AGBL4: variants seen among roughly 807,000 people sequenced by gnomAD.
AGBL4 encodes AGBL carboxypeptidase 4, also known as cytosolic carboxypeptidase 6.
AGBL4 carries 58 observed loss-of-function variants against 66.4 expected under a neutral mutation model. The observed-to-expected ratio is 0.87, with a 90% confidence interval of 0.71 to 1.09. AGBL4 has a LOEUF of 1.09. AGBL4 is among the 50% of genes least tolerant of loss of function. The pLI, the probability that AGBL4 is intolerant of heterozygous loss-of-function variation, is 0.00. For synonymous variants in AGBL4, 234 were observed against 222.9 expected (o/e 1.05, Z -0.44); for missense variants, 579 against 631.0 (o/e 0.92, Z 0.88).
At chr1:49,650,245 G>C (rs1421681283) in intron 3 of AGBL4, among the ~76,000 whole-genome samples, 1 of 152,196 alleles carries the variant, frequency 6.6e-6, no homozygotes, top group Non-Finnish European at 1.5e-5. Context: ...AGGTCTGTGA[G>C]AGCCCATAGG....
intron 2 of AGBL4, among the ~76,000 whole-genome samples, chr1:49,729,396 A>C (rs1571419925): frequency 6.6e-6 from 1 of 152,340 alleles, no homozygotes; most frequent in South Asian, 2.1e-4. Flanking sequence ...GATAATTAAG[A>C]AACCGAATTT....
intron 1 of AGBL4, among the ~76,000 whole-genome samples, chr1:49,962,236 A>T (rs1220921683): frequency 6.6e-6 from 1 of 152,132 alleles, no homozygotes; most frequent in Non-Finnish European, 1.5e-5. Flanking sequence ...ATGATCGCCA[A>T]TCCCTTCGTT....
intron 1 of AGBL4, among the ~76,000 whole-genome samples, chr1:49,966,857 T>G (rs1052192829): frequency 6.6e-6 from 1 of 152,122 alleles, no homozygotes; most frequent in Non-Finnish European, 1.5e-5. Flanking sequence ...ATAAACAACT[T>G]TACGATTCTT....
At chr1:49,953,844 CTATT>C (rs1656364244) in intron 1 of AGBL4, among the ~76,000 whole-genome samples, 1 of 151,912 alleles carries the variant, frequency 6.6e-6, no homozygotes, top group African/African-American at 2.4e-5. Context: ...TTTCTTATCT[CTATT>C]TAATAATAAA....
intron 1 of AGBL4, among the ~76,000 whole-genome samples, chr1:49,919,739 T>C (rs2148235661): frequency 6.6e-6 from 1 of 152,188 alleles, no homozygotes; most frequent in Admixed American, 6.5e-5. Context: ...AAAAAACTAC[T>C]TTAAAGTTCA....
At chr1:49,097,609 T>A (rs1298601807) in intron 4 of AGBL4, among the ~76,000 whole-genome samples, 1 of 152,220 alleles carries the variant, frequency 6.6e-6, no homozygotes, top group East Asian at 1.9e-4. Flanking sequence ...GAGACAAGAA[T>A]CTTGCTCTGC....
intron 4 of AGBL4, among the ~76,000 whole-genome samples, chr1:49,180,269 G>T (rs1256252625): frequency 6.6e-6 from 1 of 152,138 alleles, no homozygotes; most frequent in Admixed American, 6.6e-5. Context: ...TCATATGATG[G>T]TAATGAAGAT....
intron 2 of AGBL4, among the ~76,000 whole-genome samples, chr1:49,839,794 A>G (rs981308931): frequency 2.6e-5 from 4 of 152,220 alleles, no homozygotes; most frequent in African/African-American, 9.6e-5. Context: ...TATTACAATC[A>G]TCCATTTAAT....
At chr1:49,022,347 C>T (rs908426711) in intron 5 of AGBL4, among the ~76,000 whole-genome samples, 1 of 151,748 alleles carries the variant, frequency 6.6e-6, no homozygotes, top group African/African-American at 2.4e-5. Context: ...GTTCCATTTT[C>T]TGAAATAATA....
At chr1:48,826,909 G>A (rs1206798448) in intron 6 of AGBL4, among the ~76,000 whole-genome samples, 1 of 152,038 alleles carries the variant, frequency 6.6e-6, no homozygotes, top group Non-Finnish European at 1.5e-5. Flanking sequence ...CCCGGAGTCT[G>A]CTACATGGGA....
chr1:49,517,063 G>A (rs1315478909), intron 3 of AGBL4, among the ~76,000 whole-genome samples: 1 of 151,972 alleles, frequency 6.6e-6, no homozygotes, highest in Non-Finnish European at 1.5e-5. Context: ...TCGATGTTGT[G>A]AAGGTGACCC....
intron 3 of AGBL4, among the ~76,000 whole-genome samples, chr1:49,660,962 A>G (rs1166820563): frequency 6.7e-6 from 1 of 150,288 alleles, no homozygotes; most frequent in Non-Finnish European, 1.5e-5. Flanking sequence ...GGGGTCATGC[A>G]GGGGGAGGGA....
intron 8 of AGBL4, among the ~76,000 whole-genome samples, chr1:48,652,801 G>A (rs1307944013): frequency 3.9e-5 from 6 of 152,164 alleles, no homozygotes; most frequent in African/African-American, 7.2e-5. Context: ...ATTTGAGTGC[G>A]TGAGTGTGGG....
At chr1:48,630,160 T>C (rs1570065917) in intron 9 of AGBL4, among the ~76,000 whole-genome samples, 1 of 152,202 alleles carries the variant, frequency 6.6e-6, no homozygotes, top group South Asian at 2.1e-4. Context: ...ACGGTAGTCC[T>C]CTTGGTTAAA....
At chr1:49,949,099 C>A (rs369543288) in intron 1 of AGBL4, among the ~76,000 whole-genome samples, 3 of 151,348 alleles carry the variant, frequency 2.0e-5, no homozygotes, top group Non-Finnish European at 4.4e-5. Flanking sequence ...GGAAAGGACA[C>A]CCTATTCAAC....
At chr1:49,445,890 C>T (rs1448357182) in intron 3 of AGBL4, among the ~76,000 whole-genome samples, 1 of 152,046 alleles carries the variant, frequency 6.6e-6, no homozygotes, top group Non-Finnish European at 1.5e-5. Flanking sequence ...CTCACTCTGT[C>T]ACCCAGGCTA....
intron 5 of AGBL4, among the ~76,000 whole-genome samples, chr1:48,868,754 A>G (rs965303822): frequency 1.1e-4 from 16 of 152,168 alleles, no homozygotes; most frequent in Non-Finnish European, 1.9e-4. Flanking sequence ...GACCCCCTAA[A>G]TGTCCCCACC....
intron 3 of AGBL4, among the ~76,000 whole-genome samples, chr1:49,585,103 C>A (rs567790669): frequency 6.6e-6 from 1 of 152,148 alleles, no homozygotes; most frequent in Non-Finnish European, 1.5e-5. Context: ...TGCATTTCAC[C>A]TATTATAGTT....
chr1:48,787,115 T>C (rs56106463), intron 6 of AGBL4, among the ~76,000 whole-genome samples: 81,536 of 151,924 alleles, frequency 0.54, 23,348 homozygotes, highest in Non-Finnish European at 0.65. Context: ...CAGGAGTAAA[T>C]GGTAGACACA....
Sources: allele counts gnomAD v4.1 joint callset (sites outside exome capture counted in the v4.1 genomes callset), GRCh38; gene constraint gnomAD v4.1.1; transcripts MANE v1.5; gene names NCBI Gene and HGNC (gene_info 2026-07-23, HGNC 2026-07-21).